The following PCGF3 variants were observed in gnomAD, a reference collection of about 807,000 sequenced individuals.
The protein encoded by PCGF3 is polycomb group RING finger protein 3.
A neutral mutation model predicts 33.1 loss-of-function variants in PCGF3; 7 were observed. The ratio of observed to expected loss-of-function variants is 0.21; its 90% CI spans 0.12 to 0.40. The LOEUF (loss-of-function observed/expected upper bound fraction) is 0.40. Among genes scored for constraint, PCGF3 ranks in the 10% least tolerant of loss-of-function variants. PCGF3 has a pLI of 1.00. For synonymous variants in PCGF3, 153 were observed against 121.3 expected (o/e 1.26, Z -1.72); for missense variants, 211 against 313.3 (o/e 0.67, Z 2.46).
intron 7 of PCGF3, among the ~76,000 whole-genome samples, chr4:744,298 G>C (rs542631380): frequency 3.7e-4 from 56 of 152,376 alleles, no homozygotes; most frequent in African/African-American, 1.3e-3. Context: ...GCAGCTCCGG[G>C]CGGGCCTGGC....
Position 720,731 on chromosome 4 carries a change from C to T in PCGF3, c.-189-9899C>T, listed in dbSNP as rs189441377. Among the ~76,000 whole-genome samples the T allele has an allele frequency of 5.1e-3, 752 of 147,796 alleles. 6 individuals carry two copies. Among genetic ancestry groups the T allele is most frequent in the African/African-American group, 0.018 (716 of 39,532 alleles). ...CCCGGCGTGGACGGGCGGTGACGTG[C>T]GTGTGGACCCGGCGTGGACGCAGCC... On this transcript the variant is annotated intron_variant, in intron 1 of 10. Transcript: ENST00000362003. The surrounding 1 kb of genome is among the most constrained non-coding windows in gnomAD (Gnocchi z 5.6).
intron 1 of PCGF3, among the ~76,000 whole-genome samples, chr4:727,153 C>G (rs1743363939): frequency 6.6e-6 from 1 of 150,518 alleles, no homozygotes; most frequent in South Asian, 2.1e-4. Flanking sequence ...TGGTTGTTTC[C>G]AGTTTGGGGC....
intron 6 of PCGF3, among the ~76,000 whole-genome samples, chr4:739,117 A>G (rs575130364): frequency 6.6e-6 from 1 of 152,338 alleles, no homozygotes; most frequent in African/African-American, 2.4e-5. Context: ...ATGTTTAGGA[A>G]AATAGTAGAG....
At chr4:734,447 T>G (rs1743748672) in intron 4 of PCGF3, 1 of 1,272,532 alleles carries the variant, frequency 7.9e-7, no homozygotes, top group East Asian at 3.1e-5. Flanking sequence ...ATTTCTCACT[T>G]TAGGAAATAA....
At chr4:743,420 T>C (rs1744181258) in intron 6 of PCGF3, 54 bp from the exon 7 acceptor site, 2 of 1,047,450 alleles carry the variant, frequency 1.9e-6, no homozygotes, top group Non-Finnish European at 3.0e-6. Context: ...TGAACAGAAG[T>C]TTAATAGAAT....
chr4:757,734 C>T (rs530785482), intron 8 of PCGF3: 1 of 152,200 alleles, frequency 6.6e-6, no homozygotes, highest in South Asian at 2.1e-4. Flanking sequence ...CAGTTTTTTC[C>T]TAATGCTTCC....
chr4:750,091 C>T (rs1234750524), intron 8 of PCGF3, among the ~76,000 whole-genome samples: 1 of 152,248 alleles, frequency 6.6e-6, no homozygotes. Context: ...AGGCGTGAGC[C>T]CACGTGCCCG....
chr4:729,986 C>T (rs908189903), intron 1 of PCGF3, among the ~76,000 whole-genome samples: 4 of 152,122 alleles, frequency 2.6e-5, no homozygotes, highest in African/African-American at 7.2e-5. Flanking sequence ...CCATCCCAGA[C>T]GCAGGGTCCC....
intron 6 of PCGF3, among the ~76,000 whole-genome samples, chr4:739,801 C>T (rs944975728): frequency 1.2e-4 from 18 of 152,338 alleles, no homozygotes; most frequent in Non-Finnish European, 2.4e-4. Flanking sequence ...CGCTCTTGTC[C>T]GGTGTGGACG....
At position 733,676 on chromosome 4, in the gene PCGF3, C is replaced by T. The variant is rs766055947; in HGVS notation, c.-5C>T. ...TAATCGCGTTTTCTCTTGTAGAAGC[C>T]AAAGATGTTGACCAGGAAGATCAAG... On this transcript the variant is annotated 5_prime_UTR_variant, in exon 4 of 11. Coordinates refer to ENST00000362003, the Ensembl canonical transcript of PCGF3. 54 of 1,600,872 alleles carry T rather than the reference C, an allele frequency of 3.4e-5. No individual in the cohort carries two copies. The Admixed American group carries it at 8.8e-4, about 26-fold the overall frequency.
chr4:727,233 C>CTTTTGTTTTTTTTTTTTTTT (rs1743367427), intron 1 of PCGF3, among the ~76,000 whole-genome samples: 1 of 61,892 alleles, frequency 1.6e-5, no homozygotes, highest in Non-Finnish European at 2.9e-5. Context: ...TAGCGAGCGT[C>CTTTTGTTTTTTTTTTTTTTT]TTTTTTTTTT....
chr4:751,294 T>C (rs1744500364), intron 8 of PCGF3, among the ~76,000 whole-genome samples: 1 of 152,212 alleles, frequency 6.6e-6, no homozygotes, highest in African/African-American at 2.4e-5. Flanking sequence ...ATTTTAAAAT[T>C]TTATTTCACA....
intron 8 of PCGF3, among the ~76,000 whole-genome samples, chr4:760,013 C>T (rs1030668894): frequency 3.9e-5 from 6 of 152,202 alleles, no homozygotes; most frequent in Non-Finnish European, 5.9e-5. Flanking sequence ...CACATTGTCC[C>T]TCTCCTGTGA....
At chr4:710,327 C>G (rs1257074885) in intron 1 of PCGF3, among the ~76,000 whole-genome samples, 5 of 152,234 alleles carry the variant, frequency 3.3e-5, no homozygotes. Flanking sequence ...GAGCCCATGC[C>G]TAGCCAGAGA....
At chr4:735,591 C>G (rs906669489) in intron 5 of PCGF3, among the ~76,000 whole-genome samples, 1 of 152,176 alleles carries the variant, frequency 6.6e-6, no homozygotes, top group African/African-American at 2.4e-5. Context: ...TTGGAGAGCC[C>G]TCAAGACCAA....
intron 1 of PCGF3, among the ~76,000 whole-genome samples, chr4:727,984 T>C (rs922568191): frequency 3.3e-5 from 5 of 152,218 alleles, no homozygotes; most frequent in African/African-American, 1.2e-4. Flanking sequence ...TTTCTGACCA[T>C]TGACCTGGCT....
At position 716,829 on chromosome 4, in the gene PCGF3, GCGT is replaced by G. The variant is rs1198612117; in HGVS notation, c.-190+10862_-190+10864del. Among the ~76,000 whole-genome samples, 3 of 142,858 alleles carry G rather than the reference GCGT, an allele frequency of 2.1e-5. No homozygotes were observed. The East Asian group carries it at 6.6e-4, about 31-fold the overall frequency. The allele number at this position is 142,858 out of a possible 152,430, so 93.7% of individuals were successfully genotyped here. A position where few individuals can be genotyped will look rare whatever the true frequency, so the allele number is the denominator to read the frequency against. On this transcript the variant is annotated intron_variant, in intron 1 of 10. Coordinates refer to ENST00000362003, the Ensembl canonical transcript of PCGF3. ...TAGATACTGTGAGTGTGAGAACTGG[GCGT>G]CGGTGCTGGGACCCTCTAGACACTG... is the stretch of plus-strand genomic sequence containing the variant.
At chr4:715,498 CTGAG>C (rs1221724512) in intron 1 of PCGF3, among the ~76,000 whole-genome samples, 3 of 142,688 alleles carry the variant, frequency 2.1e-5, no homozygotes, top group African/African-American at 7.9e-5. Flanking sequence ...CCTATAGACA[CTGAG>C]TGGGAGAACT....
chr4:756,911 C>T (rs1344107234), intron 8 of PCGF3: 2 of 152,164 alleles, frequency 1.3e-5, no homozygotes, highest in African/African-American at 4.8e-5. Flanking sequence ...AAAATTATTG[C>T]ATTATATACA....
Sources: gnomAD v4.1 joint callset for allele counts (sites outside exome capture counted in the v4.1 genomes callset) on GRCh38, gnomAD v4.1.1 for gene constraint, Gnocchi (gnomAD v3.1) non-coding constraint, MANE v1.5 for transcripts, NCBI Gene and HGNC (gene_info 2026-07-23, HGNC 2026-07-21) for gene names.